The following IQCM variants were observed in gnomAD, a reference collection of about 807,000 sequenced individuals.
IQCM encodes IQ motif containing M.
A neutral mutation model predicts 57.6 loss-of-function variants in IQCM; 45 were observed. That is an observed-to-expected ratio of 0.78 (90% CI 0.62 to 1.00). The LOEUF is 1.00. Ranked by LOEUF, IQCM falls within the 50% of genes least tolerant of loss-of-function variation. IQCM has a pLI of 0.00. For synonymous variants in IQCM, 148 were observed against 158.9 expected, an observed-to-expected ratio of 0.93 and a Z score of 0.51; for missense variants, 468 against 511.6, an observed-to-expected ratio of 0.91 and a Z score of 0.82.
chr4:149,431,590 A>G (rs1734868983), intron 13 of IQCM, among the ~76,000 whole-genome samples: 1 of 152,022 alleles, frequency 6.6e-6, no homozygotes, highest in Admixed American at 6.6e-5. Context: ...ATCAAGATAC[A>G]GAATGGTTCC....
At chr4:149,510,260 C>T (rs367792283) in intron 12 of IQCM, among the ~76,000 whole-genome samples, 5 of 152,050 alleles carry the variant, frequency 3.3e-5, no homozygotes, top group Non-Finnish European at 5.9e-5. Context: ...ACTGGTCATT[C>T]GAATGTACTC....
intron 7 of IQCM, among the ~76,000 whole-genome samples, chr4:149,626,844 G>A (rs564564046): frequency 2.0e-5 from 3 of 152,084 alleles, no homozygotes; most frequent in South Asian, 2.1e-4. Flanking sequence ...ATTGAGGAAA[G>A]CAATCAGTGA....
chr4:149,459,336 T>C (rs1034204860), intron 12 of IQCM, among the ~76,000 whole-genome samples: 21 of 152,232 alleles, frequency 1.4e-4, no homozygotes, highest in Non-Finnish European at 2.1e-4. Context: ...AGGTAATCAC[T>C]AAATGTTGGC....
At chr4:149,437,382 C>T (rs1735465983) in intron 12 of IQCM, among the ~76,000 whole-genome samples, 1 of 152,010 alleles carries the variant, frequency 6.6e-6, no homozygotes, top group South Asian at 2.1e-4. Context: ...GTTGAAAAGC[C>T]CTCAGGTCAA....
At chr4:149,551,390 T>G (rs541378973) in intron 11 of IQCM, among the ~76,000 whole-genome samples, 2 of 152,308 alleles carry the variant, frequency 1.3e-5, no homozygotes, top group East Asian at 3.9e-4. Flanking sequence ...GAGGGGATAT[T>G]TTAGGATGCA....
At chr4:149,608,712 A>G (rs1755011915) in intron 8 of IQCM, among the ~76,000 whole-genome samples, 2 of 151,902 alleles carry the variant, frequency 1.3e-5, no homozygotes, top group South Asian at 4.1e-4. Context: ...CTTGAAACAA[A>G]TGAAAATGAA....
chr4:149,459,033 C>A (rs1737997134), intron 12 of IQCM, among the ~76,000 whole-genome samples: 1 of 152,148 alleles, frequency 6.6e-6, no homozygotes, highest in South Asian at 2.1e-4. Context: ...GGGTGTGAAT[C>A]CCTGCCTGAG....
intron 13 of IQCM, among the ~76,000 whole-genome samples, chr4:149,415,287 G>T (rs368964719): frequency 6.2e-4 from 95 of 152,276 alleles, no homozygotes; most frequent in African/African-American, 2.0e-3. Context: ...CTTTGTAATT[G>T]ATGATACCAC....
At chr4:149,587,733 T>TA (rs1561025576) in intron 9 of IQCM, among the ~76,000 whole-genome samples, 197 bp downstream of exon 9, 2 of 151,824 alleles carry the variant, frequency 1.3e-5, no homozygotes, top group African/African-American at 4.8e-5. Flanking sequence ...ACTAACTGAT[T>TA]ACTAAAACAC....
chr4:149,645,398 A>G (rs1758548754), intron 7 of IQCM, among the ~76,000 whole-genome samples: 1 of 152,214 alleles, frequency 6.6e-6, no homozygotes, highest in African/African-American at 2.4e-5. Context: ...TAAAAGATTC[A>G]CATTTTTAAC....
intron 13 of IQCM, among the ~76,000 whole-genome samples, chr4:149,432,929 A>C (rs184423904): frequency 1.2e-4 from 19 of 152,156 alleles, no homozygotes; most frequent in African/African-American, 4.6e-4. Flanking sequence ...AGCTACCAAT[A>C]TACATGTATT....
intron 13 of IQCM, among the ~76,000 whole-genome samples, chr4:149,428,411 T>C (rs1734601877): frequency 6.6e-6 from 1 of 151,762 alleles, no homozygotes; most frequent in Non-Finnish European, 1.5e-5. Flanking sequence ...ATGAGAAAAT[T>C]GGAAAAATGT....
intron 9 of IQCM, among the ~76,000 whole-genome samples, chr4:149,565,716 G>T (rs543213521): frequency 6.6e-6 from 1 of 152,040 alleles, no homozygotes; most frequent in Non-Finnish European, 1.5e-5. Context: ...ACAGAAAATT[G>T]TGCTGTATAT....
intron 7 of IQCM, among the ~76,000 whole-genome samples, chr4:149,654,751 C>A (rs1328679003): frequency 6.6e-6 from 1 of 152,088 alleles, no homozygotes; most frequent in African/African-American, 2.4e-5. Context: ...CAAGCCTGAA[C>A]TGTCAATATG....
chr4:149,734,387 G>T (rs545318285), intron 4 of IQCM, among the ~76,000 whole-genome samples: 113 of 152,208 alleles, frequency 7.4e-4, no homozygotes, highest in African/African-American at 2.4e-3. Flanking sequence ...TCCCACCAGT[G>T]AAATTAATAT....
intron 12 of IQCM, among the ~76,000 whole-genome samples, chr4:149,461,056 G>A (rs1738227002): frequency 6.6e-6 from 1 of 151,974 alleles, no homozygotes; most frequent in East Asian, 1.9e-4. Flanking sequence ...CAGACATGGA[G>A]AAACCCAGTC....
At chr4:149,700,994 G>A (rs1010657444) in intron 5 of IQCM, among the ~76,000 whole-genome samples, 6 of 151,868 alleles carry the variant, frequency 4.0e-5, no homozygotes, top group African/African-American at 9.7e-5. Flanking sequence ...CTTTCCCATC[G>A]TATTTGAACT....
chr4:149,668,800 T>C (rs959567649), intron 7 of IQCM, among the ~76,000 whole-genome samples: 1 of 152,090 alleles, frequency 6.6e-6, no homozygotes, highest in Admixed American at 6.5e-5. Flanking sequence ...AGCAATGTGA[T>C]ATAGAGAAAA....
intron 5 of IQCM, among the ~76,000 whole-genome samples, chr4:149,706,603 T>C (rs1306113020): frequency 2.6e-5 from 4 of 152,026 alleles, no homozygotes; most frequent in African/African-American, 9.7e-5. Flanking sequence ...ATCTTGTATA[T>C]GTAAAACAGA....
Sources: allele counts gnomAD v4.1 joint callset (sites outside exome capture counted in the v4.1 genomes callset), GRCh38; gene constraint gnomAD v4.1.1; transcripts MANE v1.5; gene names NCBI Gene and HGNC (gene_info 2026-07-23, HGNC 2026-07-21).